ZNF124: variants seen among roughly 807,000 people sequenced by gnomAD.
ZNF124 encodes zinc finger protein 124.
A neutral mutation model predicts 26.6 loss-of-function variants in ZNF124; 25 were observed. The ratio of observed to expected loss-of-function variants is 0.94; its 90% CI spans 0.68 to 1.31. The LOEUF (loss-of-function observed/expected upper bound fraction) is 1.31, where lower values mean the gene tolerates loss of function less well. Ranked by LOEUF, ZNF124 falls within the 40% of genes most tolerant of loss-of-function variation. The probability of loss-of-function intolerance (pLI) is 0.00; values close to 1 mark genes in which losing one functional copy is unlikely to be tolerated. For missense variants in ZNF124, 444 were observed against 422.2 expected (o/e 1.05, Z -0.45); for synonymous variants, 129 against 133.3 (o/e 0.97, Z 0.22).
At chr1:247,151,583 T>C (rs1367420203), downstream of ZNF124, among the ~76,000 whole-genome samples, 1 of 151,568 alleles carries the variant, frequency 6.6e-6, no homozygotes, top group African/African-American at 2.4e-5. Context: ...AGTGGTACAA[T>C]TTTGGAAAAC....
intron 3 of ZNF124, among the ~76,000 whole-genome samples, chr1:247,140,543 G>A (rs1672600549): frequency 6.6e-6 from 1 of 152,186 alleles, no homozygotes; most frequent in Admixed American, 6.5e-5. Flanking sequence ...ACAACACTCT[G>A]GCCATTTGAG....
At chr1:247,149,029 C>T (rs1672859146) in intron 3 of ZNF124, among the ~76,000 whole-genome samples, 1 of 152,068 alleles carries the variant, frequency 6.6e-6, no homozygotes, top group Non-Finnish European at 1.5e-5. Context: ...AGAAAACCTT[C>T]CAACCACTGC....
intron 1 of ZNF124, among the ~76,000 whole-genome samples, chr1:247,162,610 AC>A (rs1673543435): frequency 7.4e-6 from 1 of 134,732 alleles, no homozygotes; most frequent in South Asian, 2.3e-4. Flanking sequence ...AAATATATTA[AC>A]CCTTGGCAAA....
At chr1:247,139,900 G>A (rs1672582065) in intron 3 of ZNF124, among the ~76,000 whole-genome samples, 1 of 152,174 alleles carries the variant, frequency 6.6e-6, no homozygotes, top group African/African-American at 2.4e-5. Context: ...TAGGTGACCT[G>A]CCCTGTATAG....
intron 1 of ZNF124, among the ~76,000 whole-genome samples, chr1:247,169,264 G>C (rs1673957120): frequency 6.6e-6 from 1 of 152,124 alleles, no homozygotes; most frequent in African/African-American, 2.4e-5. Context: ...TCAAGCAGGA[G>C]ATTCCCTGGT....
intron 1 of ZNF124, among the ~76,000 whole-genome samples, chr1:247,165,099 T>C (rs1673702341): frequency 6.6e-6 from 1 of 152,124 alleles, no homozygotes; most frequent in Admixed American, 6.6e-5. Context: ...CCCGAGTAGC[T>C]GTGACTACAG....
chr1:247,145,232 G>A (rs1672731935), intron 3 of ZNF124, among the ~76,000 whole-genome samples: 1 of 152,170 alleles, frequency 6.6e-6, no homozygotes, highest in Admixed American at 6.5e-5. Flanking sequence ...GTAACATATG[G>A]ATCAGGAGAA....
intron 3 of ZNF124, among the ~76,000 whole-genome samples, chr1:247,146,977 T>C (rs1672797949): frequency 6.6e-6 from 1 of 152,114 alleles, no homozygotes; most frequent in Non-Finnish European, 1.5e-5. Context: ...TGCCCAGTTA[T>C]CTCTTCATGC....
At position 247,156,109 on chromosome 1, in the gene ZNF124, T is replaced by C. The variant is rs954131858; in HGVS notation, c.*457A>G. On this transcript the variant is annotated 3_prime_UTR_variant, in exon 4 of 4. Coordinates refer to ENST00000543802, the MANE Select transcript of ZNF124 (RefSeq NM_001297568.2). ...AGTTTTCACATGACCTTTAAAGTAA[T>C]TGTTAAAATTCAGAATTTTCTGTAT... 4.1e-6 allele frequency: 4 copies of C among 984,026 alleles called. No individual in the cohort carries two copies. The highest frequency in any genetic ancestry group is 4.8e-6 in the Non-Finnish European group (4 of 828,466). 61.0% of individuals were successfully genotyped at this position (984,026 alleles called of 1,614,324 possible). A position where few individuals can be genotyped will look rare whatever the true frequency, so the allele number is the denominator to read the frequency against.
chr1:247,138,745 T>C (rs941295224), intron 3 of ZNF124: 21 of 398,480 alleles, frequency 5.3e-5, no homozygotes, highest in Non-Finnish European at 8.8e-5. Flanking sequence ...CACATCTTCA[T>C]GAACCAGTAC....
At chr1:247,150,030 G>A (rs998844816), downstream of ZNF124, 1 of 152,168 alleles carries the variant, frequency 6.6e-6, no homozygotes, top group Admixed American at 6.5e-5. Context: ...TCATCTCAAT[G>A]ATGAGGGCAC....
At chr1:247,154,107 G>A (rs1234879261), downstream of ZNF124, among the ~76,000 whole-genome samples, 1 of 121,732 alleles carries the variant, frequency 8.2e-6, no homozygotes, top group Non-Finnish European at 1.6e-5. Flanking sequence ...CCTTGTACAC[G>A]CATATGTGTG....
In ZNF124 at chr1:247,157,196, T is replaced by C. The variant is rs747431503; in HGVS notation, c.426A>G (p.Arg142=). The change falls in exon 4 of 4, where the codon AGA becomes AGG. Residue 142 remains arginine, a synonymous_variant. Coordinates refer to ENST00000543802, the MANE Select transcript of ZNF124 (RefSeq NM_001297568.2). The part of the protein sequence containing the change: ...NIPSSFQIHQ[R]NHTGEKPYEC... ...CATAGGGTTTCTCTCCAGTGTGATT[T>C]CTCTGATGTATCTGAAATGAACTGG... 9 of 1,614,106 alleles carry C rather than the reference T, an allele frequency of 5.6e-6. No homozygotes were observed. The East Asian group carries it at 1.6e-4, about 28-fold the overall frequency.
intron 3 of ZNF124, chr1:247,149,726 T>C (rs1192302570): frequency 2.0e-5 from 3 of 152,218 alleles, no homozygotes; most frequent in African/African-American, 7.2e-5. Context: ...AACTTTCAGT[T>C]ATAAGATGAA....
intron 1 of ZNF124, among the ~76,000 whole-genome samples, chr1:247,164,528 C>T (rs187120365): frequency 1.3e-5 from 2 of 151,804 alleles, no homozygotes; most frequent in East Asian, 3.9e-4. Context: ...AATAAAATAT[C>T]TAGGAATATA....
chr1:247,128,920 T>C (rs1319335953), intron 3 of ZNF124, among the ~76,000 whole-genome samples: 3 of 120,512 alleles, frequency 2.5e-5, no homozygotes, highest in African/African-American at 6.7e-5. Context: ...AGAGGGAGGG[T>C]GGACATTGAG....
intron 1 of ZNF124, among the ~76,000 whole-genome samples, chr1:247,164,473 G>A (rs1009541091): frequency 4.0e-5 from 6 of 151,844 alleles, no homozygotes; most frequent in African/African-American, 1.5e-4. Flanking sequence ...TCCATGCAGA[G>A]AGCCAAATCA....
intron 3 of ZNF124, among the ~76,000 whole-genome samples, chr1:247,130,597 T>C (rs527366983): frequency 2.0e-5 from 3 of 152,368 alleles, no homozygotes; most frequent in Admixed American, 2.0e-4. Context: ...AATAATTTCT[T>C]TATGAAATAA....
intron 3 of ZNF124, among the ~76,000 whole-genome samples, chr1:247,127,950 G>A (rs1236918062): frequency 6.6e-6 from 1 of 152,086 alleles, no homozygotes; most frequent in Admixed American, 6.5e-5. Flanking sequence ...TTTCCACAAG[G>A]GTACTGGTTT....
Sources: allele counts gnomAD v4.1 joint callset (sites outside exome capture counted in the v4.1 genomes callset), GRCh38; gene constraint gnomAD v4.1.1; transcripts MANE v1.5; gene names NCBI Gene and HGNC (gene_info 2026-07-23, HGNC 2026-07-21).